Variants in MACROD2 observed in about 807,000 individuals in gnomAD.
The protein encoded by MACROD2 is mono-ADP ribosylhydrolase 2.
MACROD2 carries 36 observed loss-of-function variants against 70.4 expected under a neutral mutation model. The ratio of observed to expected loss-of-function variants is 0.51; its 90% CI spans 0.39 to 0.68. The LOEUF is 0.68. Ranked by LOEUF, MACROD2 falls within the 30% of genes least tolerant of loss-of-function variation. The pLI is 0.00. For synonymous variants in MACROD2, 172 were observed against 178.8 expected (o/e 0.96, Z 0.30); for missense variants, 496 against 538.4 (o/e 0.92, Z 0.78).
chr20:14,404,638 T>C (rs1277108882), intron 3 of MACROD2, among the ~76,000 whole-genome samples: 1 of 151,972 alleles, frequency 6.6e-6, no homozygotes, highest in African/African-American at 2.4e-5. Flanking sequence ...TGAAAAACCT[T>C]AGTGGAACTG....
intron 4 of MACROD2, among the ~76,000 whole-genome samples, chr20:14,672,712 G>A (rs1196326356): frequency 1.3e-5 from 2 of 152,096 alleles, no homozygotes; most frequent in Admixed American, 6.6e-5. Flanking sequence ...AATTCTAAGC[G>A]ACAGAGACTG....
At chr20:14,847,132 A>T (rs1226099484) in intron 5 of MACROD2, among the ~76,000 whole-genome samples, 2 of 151,690 alleles carry the variant, frequency 1.3e-5, no homozygotes, top group African/African-American at 4.8e-5. Context: ...TGGTTACTTT[A>T]AAAAAAGAGT....
At chr20:15,277,721 A>G (rs1411147989) in intron 6 of MACROD2, among the ~76,000 whole-genome samples, 1 of 152,196 alleles carries the variant, frequency 6.6e-6, no homozygotes, top group Non-Finnish European at 1.5e-5. Flanking sequence ...TACAGCTTAT[A>G]TTAGACTGTC....
chr20:15,806,073 CAT>C (rs2063766582), intron 8 of MACROD2, among the ~76,000 whole-genome samples: 1 of 152,214 alleles, frequency 6.6e-6, no homozygotes, highest in Non-Finnish European at 1.5e-5. Context: ...GTCAGTATTT[CAT>C]ATGAGTTTAT....
At chr20:15,467,919 TG>T (rs1019434939) in intron 7 of MACROD2, among the ~76,000 whole-genome samples, 101 of 152,318 alleles carry the variant, frequency 6.6e-4, no homozygotes, top group African/African-American at 2.3e-3. Flanking sequence ...ATGTTAAGAT[TG>T]TATGCTACTA....
chr20:15,086,801 T>C (rs1267886524), intron 5 of MACROD2, among the ~76,000 whole-genome samples: 1 of 152,146 alleles, frequency 6.6e-6, no homozygotes, highest in Non-Finnish European at 1.5e-5. Context: ...AGGCTTAATT[T>C]CATTATCTCT....
At chr20:15,271,667 T>C (rs950391796) in intron 6 of MACROD2, among the ~76,000 whole-genome samples, 9 of 152,216 alleles carry the variant, frequency 5.9e-5, no homozygotes, top group African/African-American at 2.2e-4. Flanking sequence ...GATGAATGAA[T>C]GAATATGAAG....
chr20:15,183,239 TA>T (rs2076512270), intron 5 of MACROD2, among the ~76,000 whole-genome samples: 1 of 152,096 alleles, frequency 6.6e-6, no homozygotes. Flanking sequence ...CCTCAGCAGT[TA>T]AAAATTGGAT....
chr20:14,702,695 ATGTATATATATG>A (rs1361174744), intron 5 of MACROD2, among the ~76,000 whole-genome samples: 16 of 138,714 alleles, frequency 1.2e-4, no homozygotes, highest in African/African-American at 4.2e-4. Flanking sequence ...GTGTATATAT[ATGTATATATATG>A]TGTGTATATA....
Position 15,131,992 on chromosome 20 carries a change from C to A in MACROD2, c.419-97948C>A, listed in dbSNP as rs544952074. Among the ~76,000 whole-genome samples, 7 of 151,768 alleles carry A rather than the reference C, an allele frequency of 4.6e-5. 1 individual carries two copies. The South Asian group carries it at 1.5e-3, about 32-fold the overall frequency. On this transcript the variant is annotated intron_variant, in intron 5 of 17. Coordinates refer to ENST00000684519, the MANE Select transcript of MACROD2 (RefSeq NM_001351661.2). ...TATATACTATATACAAGAAATAATT[C>A]TAAAGATGTTACTCATTGAATTAAA...
At chr20:14,647,228 A>G (rs1252148935) in intron 4 of MACROD2, among the ~76,000 whole-genome samples, 1 of 152,116 alleles carries the variant, frequency 6.6e-6, no homozygotes, top group Non-Finnish European at 1.5e-5. Flanking sequence ...TAAAAAGAAC[A>G]TACTGCATGA....
intron 3 of MACROD2, among the ~76,000 whole-genome samples, chr20:14,154,537 C>T (rs1422318622): frequency 1.1e-4 from 17 of 149,738 alleles, no homozygotes; most frequent in African/African-American, 3.7e-4. Context: ...AGGCTCCCGC[C>T]ACTACGCCCG....
intron 8 of MACROD2, among the ~76,000 whole-genome samples, chr20:15,793,845 AAT>A (rs1353052495): frequency 6.8e-6 from 1 of 147,438 alleles, no homozygotes. Flanking sequence ...TATATAAATA[AAT>A]ATATAATTTT....
At chr20:15,866,481 C>T (rs175799) in intron 9 of MACROD2, among the ~76,000 whole-genome samples, 1 of 152,072 alleles carries the variant, frequency 6.6e-6, no homozygotes, top group East Asian at 1.9e-4. Flanking sequence ...GATGCCAAGG[C>T]AGCAACTATA....
intron 4 of MACROD2, among the ~76,000 whole-genome samples, chr20:14,645,017 T>G (rs549107007): frequency 7.9e-5 from 12 of 152,244 alleles, no homozygotes; most frequent in Non-Finnish European, 1.5e-4. Context: ...ATCAAACATA[T>G]TATTTGCACA....
At chr20:14,113,631 G>T (rs961535742) in intron 3 of MACROD2, among the ~76,000 whole-genome samples, 3 of 152,022 alleles carry the variant, frequency 2.0e-5, no homozygotes, top group South Asian at 4.1e-4. Flanking sequence ...TTCACTGATC[G>T]CTAATCCAGT....
At chr20:14,600,726 C>T (rs1001386442) in intron 4 of MACROD2, among the ~76,000 whole-genome samples, 6 of 152,168 alleles carry the variant, frequency 3.9e-5, no homozygotes, top group African/African-American at 1.4e-4. Context: ...TTCATGTTGC[C>T]TCACACTGAG....
intron 5 of MACROD2, among the ~76,000 whole-genome samples, chr20:15,031,937 TGTTCGTGCCCAGGCC>T (rs1454760485): frequency 6.6e-6 from 1 of 152,156 alleles, no homozygotes; most frequent in Non-Finnish European, 1.5e-5. Flanking sequence ...GCACCCAGGC[TGTTCGTGCCCAGGCC>T]CGCACCGAGC....
intron 2 of MACROD2, among the ~76,000 whole-genome samples, chr20:14,062,574 G>A (rs922811025): frequency 3.3e-5 from 5 of 152,274 alleles, no homozygotes; most frequent in Admixed American, 2.6e-4. Context: ...TGAGATCAAG[G>A]TGGTGGGTAA....
Sources: allele counts gnomAD v4.1 joint callset (sites outside exome capture counted in the v4.1 genomes callset), GRCh38; gene constraint gnomAD v4.1.1; transcripts MANE v1.5; gene names NCBI Gene and HGNC (gene_info 2026-07-23, HGNC 2026-07-21).